PLA2G6: variants seen among roughly 807,000 people sequenced by gnomAD.
The protein encoded by PLA2G6 is phospholipase A2 group VI.
In PLA2G6, 62 loss-of-function variants were observed where a neutral mutation model predicts 83.8. The observed-to-expected ratio is 0.74, with a 90% confidence interval of 0.60 to 0.91. PLA2G6 has a LOEUF of 0.91. Among genes scored for constraint, PLA2G6 ranks in the 40% least tolerant of loss-of-function variants. PLA2G6 has a pLI of 0.00. For missense variants in PLA2G6, 944 were observed against 1,102.0 expected (o/e 0.86, Z 2.03); for synonymous variants, 417 against 449.8 (o/e 0.93, Z 0.92).
At chr22:38,142,162 TC>T (rs2088948838) in intron 4 of PLA2G6, 1 of 119,076 alleles carries the variant, frequency 8.4e-6, no homozygotes, top group Non-Finnish European at 1.6e-5. Context: ...ACCACTGCAC[TC>T]TAGCCTGGGA....
At chr22:38,113,933 C>T (rs1214960629) in intron 14 of PLA2G6, 1 of 532,952 alleles carries the variant, frequency 1.9e-6, no homozygotes, top group African/African-American at 1.9e-5. Context: ...CCCGCCCACC[C>T]CATCTGATGC....
chr22:38,154,629 A>C (rs899655693), intron 2 of PLA2G6, among the ~76,000 whole-genome samples: 2 of 152,248 alleles, frequency 1.3e-5, no homozygotes, highest in Non-Finnish European at 2.9e-5. Flanking sequence ...ATTACCTGGA[A>C]AGTCTTCCTA....
At chr22:38,153,683 C>T (rs2089666986) in intron 2 of PLA2G6, among the ~76,000 whole-genome samples, 1 of 151,950 alleles carries the variant, frequency 6.6e-6, no homozygotes, top group Non-Finnish European at 1.5e-5. Context: ...ACCAATTGTC[C>T]TCCCTGGAGG....
intron 3 of PLA2G6, 49 bp from the exon 4 acceptor site, chr22:38,143,337 G>A (rs1043619260): frequency 1.9e-6 from 3 of 1,574,726 alleles, no homozygotes; most frequent in Middle Eastern, 1.8e-4. Context: ...GTGGTACAAG[G>A]TGGCAGGGGG....
chr22:38,133,235 GCTGA>G (rs1216237375), intron 6 of PLA2G6: 5 of 594,278 alleles, frequency 8.4e-6, no homozygotes, highest in African/African-American at 7.4e-5. Flanking sequence ...CCAAAGATGT[GCTGA>G]CTGTTTTAAG....
At position 38,128,130 on chromosome 22, in the gene PLA2G6, G is replaced by T. The variant is rs2087979437; in HGVS notation, c.1348+139C>A. On this transcript the variant is annotated intron_variant, in intron 9 of 16. Transcript: ENST00000332509. This position sits in a 1 kb window ranked among gnomAD's most constrained non-coding sequence, Gnocchi z 4.4. ...TCTGTGGGTTGCTGGCTGCCTAGAG[G>T]CTGACAACTCCGGCCCCATCCTCCC... The T allele has an allele frequency of 2.9e-5, 25 of 863,594 alleles. No homozygotes were observed. In the East Asian group the frequency reaches 6.1e-4, roughly 21 times the overall value. 53.5% of individuals were successfully genotyped at this position (863,594 alleles called of 1,614,324 possible).
intron 2 of PLA2G6, chr22:38,147,145 T>G (rs1464522308): frequency 5.9e-5 from 9 of 152,228 alleles, no homozygotes; most frequent in Admixed American, 5.2e-4. Context: ...CTGTGTGATC[T>G]TGGGAAATCC....
chr22:38,170,904 T>C (rs925740623), intron 1 of PLA2G6, among the ~76,000 whole-genome samples: 16 of 152,036 alleles, frequency 1.1e-4, no homozygotes, highest in African/African-American at 2.9e-4. Flanking sequence ...GGCACGGTGG[T>C]TCACGCCTGT....
At chr22:38,122,087 C>A (rs1450130947) in intron 11 of PLA2G6, among the ~76,000 whole-genome samples, 1 of 152,158 alleles carries the variant, frequency 6.6e-6, no homozygotes, top group Non-Finnish European at 1.5e-5. Flanking sequence ...GACTCTGTCC[C>A]CAGCACCTCC....
intron 7 of PLA2G6, chr22:38,131,960 C>T (rs1263823803): frequency 2.1e-5 from 7 of 339,256 alleles, no homozygotes; most frequent in South Asian, 1.5e-4. Flanking sequence ...ACTAAAAATA[C>T]AAAAATTAGC....
intron 14 of PLA2G6, among the ~76,000 whole-genome samples, chr22:38,114,707 G>A (rs2145677845): frequency 6.6e-6 from 1 of 152,316 alleles, no homozygotes; most frequent in Admixed American, 6.5e-5. Context: ...AGCCTCTGCT[G>A]CGCTGCCCAG....
intron 4 of PLA2G6, chr22:38,142,785 A>G (rs2088998124): frequency 2.4e-6 from 1 of 413,062 alleles, no homozygotes; most frequent in Non-Finnish European, 4.6e-6. Context: ...CCAGGCAGGC[A>G]TCTGGCTCAC....
intron 1 of PLA2G6, among the ~76,000 whole-genome samples, chr22:38,170,247 C>A (rs2090387273): frequency 6.7e-6 from 1 of 148,824 alleles, no homozygotes; most frequent in Non-Finnish European, 1.5e-5. Context: ...CTTCCGCAAA[C>A]AAAATCAATG....
rs2087678660 is a variant in PLA2G6 at position 38,123,920 on chromosome 22, C to G, written c.1428-662G>C. Among the ~76,000 whole-genome samples the G allele has an allele frequency of 6.6e-6, 1 of 152,190 alleles. No homozygotes were observed. ...ACGCGATCTCGGCTCACCGCAACCTCTGCCTCCCGGGTTCAAACGATTCTC... is the reference window on the plus strand; with the variant it reads ...ACGCGATCTCGGCTCACCGCAACCTGTGCCTCCCGGGTTCAAACGATTCTC... On this transcript the variant is annotated intron_variant, in intron 10 of 16. Coordinates refer to ENST00000332509, the MANE Select transcript of PLA2G6 (RefSeq NM_003560.4). This position sits in a 1 kb window ranked among gnomAD's most constrained non-coding sequence, Gnocchi z 4.1.
intron 1 of PLA2G6, among the ~76,000 whole-genome samples, chr22:38,176,398 A>G (rs2090632672): frequency 6.6e-6 from 1 of 152,170 alleles, no homozygotes; most frequent in East Asian, 1.9e-4. Flanking sequence ...CCAGGAGCAC[A>G]CACAGAACTG....
intron 10 of PLA2G6, among the ~76,000 whole-genome samples, chr22:38,125,993 T>A (rs11570709): frequency 0.026 from 3,962 of 152,118 alleles, 181 homozygotes; most frequent in African/African-American, 0.091. Flanking sequence ...TATTCTGCAG[T>A]GGGAGGTGGT....
chr22:38,135,538 G>C, intron 5 of PLA2G6: 6 of 183,680 alleles, frequency 3.3e-5, no homozygotes, highest in South Asian at 2.2e-4. Context: ...GCATGCTATA[G>C]GAAGCAGTAT....
intron 8 of PLA2G6, 106 bp downstream of exon 8, chr22:38,129,348 G>C (rs1431169537): frequency 4.9e-6 from 4 of 814,398 alleles, no homozygotes; most frequent in Non-Finnish European, 6.4e-6. Flanking sequence ...AGCAGGGCGG[G>C]TCAGCACAGG....
intron 2 of PLA2G6, among the ~76,000 whole-genome samples, chr22:38,167,227 CA>C (rs132983): frequency 8.3e-4 from 89 of 107,586 alleles, no homozygotes; most frequent in Admixed American, 1.3e-3. Context: ...GACTCTGTCT[CA>C]AAAAAAAAAA....
Sources: allele counts gnomAD v4.1 joint callset (sites outside exome capture counted in the v4.1 genomes callset), GRCh38; gene constraint gnomAD v4.1.1; non-coding constraint Gnocchi (gnomAD v3.1); transcripts MANE v1.5; gene names NCBI Gene and HGNC (gene_info 2026-07-23, HGNC 2026-07-21).